Variants in THADA observed in about 807,000 individuals in gnomAD.
THADA encodes THADA armadillo repeat containing.
Under a neutral mutation model 219.8 loss-of-function variants are expected in THADA, and 213 were observed. The observed-to-expected ratio is 0.97, with a 90% CI of 0.87 to 1.09. THADA has a LOEUF of 1.09. Ranked by LOEUF, THADA falls within the 50% of genes least tolerant of loss-of-function variation. THADA has a pLI of 0.00. For synonymous variants in THADA, 1,018 were observed against 828.9 expected (o/e 1.23, Z -3.92); for missense variants, 2,956 against 2,311.3 (o/e 1.28, Z -5.72).
At chr2:43,410,249 G>T (rs1188110901) in intron 28 of THADA, among the ~76,000 whole-genome samples, 1 of 152,160 alleles carries the variant, frequency 6.6e-6, no homozygotes, top group East Asian at 1.9e-4. Context: ...CATACCAAGT[G>T]TTGGCTAGGA....
At chr2:43,520,713 T>TATATACACAC (rs1218079783) in intron 22 of THADA, among the ~76,000 whole-genome samples, 3 of 125,050 alleles carry the variant, frequency 2.4e-5, no homozygotes, top group African/African-American at 8.9e-5. Flanking sequence ...TATATATATA[T>TATATACACAC]ACACACACAC....
Position 43,572,864 on chromosome 2 carries a change from G to C in THADA, c.1858C>G (p.Leu620Val). ...LQSATDTWENLVSDARIKQGL... is the reference protein window; with the variant it reads ...LQSATDTWENVVSDARIKQGL... The stretch of plus-strand genomic sequence containing the variant: ...TGCTTTATTCTTGCATCAGACACGA[G>C]GTTCTCCCAGGTATCAGTTGCAGAC... Residue 620 changes from leucine to valine, a missense_variant, in exon 12 of 38, where the codon CTC becomes GTC. Coordinates refer to ENST00000405975, the MANE Select transcript of THADA (RefSeq NM_022065.5). 6.2e-7 allele frequency: 1 copy of C among 1,613,866 alleles called. No individual in the cohort carries two copies. Among genetic ancestry groups the C allele is most frequent in the African/African-American group, 1.3e-5 (1 of 75,024 alleles).
intron 29 of THADA, among the ~76,000 whole-genome samples, chr2:43,348,672 G>A (rs1667916016): frequency 6.6e-6 from 1 of 152,136 alleles, no homozygotes; most frequent in South Asian, 2.1e-4. Flanking sequence ...TTTAGACATG[G>A]AGTTAAGGCG....
chr2:43,506,930 C>T (rs1196687323), intron 23 of THADA, among the ~76,000 whole-genome samples: 2 of 152,086 alleles, frequency 1.3e-5, no homozygotes, highest in Non-Finnish European at 2.9e-5. Context: ...AGAAATTTCT[C>T]ATAGTTTATT....
intron 17 of THADA, 97 bp from the exon 18 acceptor site, chr2:43,552,436 A>G (rs1447811959): frequency 1.5e-6 from 2 of 1,294,464 alleles, no homozygotes; most frequent in African/African-American, 3.0e-5. Context: ...GGCCAACTCA[A>G]ATGAACTTTA....
intron 29 of THADA, among the ~76,000 whole-genome samples, chr2:43,354,943 C>T (rs1341576667): frequency 1.3e-5 from 2 of 152,112 alleles, no homozygotes; most frequent in African/African-American, 4.8e-5. Context: ...TTCCTTGGCA[C>T]TTCTCCTTGC....
At chr2:43,296,707 C>T (rs1302853549) in intron 31 of THADA, among the ~76,000 whole-genome samples, 26 of 152,220 alleles carry the variant, frequency 1.7e-4, no homozygotes, top group Admixed American at 1.7e-3. Context: ...ACAGTACTAT[C>T]ATCTCCAGGT....
intron 26 of THADA, among the ~76,000 whole-genome samples, chr2:43,441,316 CTA>C (rs1293407864): frequency 6.6e-6 from 1 of 152,172 alleles, no homozygotes; most frequent in Admixed American, 6.5e-5. Flanking sequence ...TTCTAATTTA[CTA>C]CAAACACAAA....
chr2:43,353,284 C>T (rs1166783499), intron 29 of THADA, among the ~76,000 whole-genome samples: 5 of 152,176 alleles, frequency 3.3e-5, no homozygotes, highest in Admixed American at 6.5e-5. Context: ...CATCAATCTG[C>T]GTGCCCACTC....
chr2:43,314,952 T>G (rs1172271320), intron 31 of THADA, among the ~76,000 whole-genome samples: 1 of 152,186 alleles, frequency 6.6e-6, no homozygotes, highest in Non-Finnish European at 1.5e-5. Context: ...ATAAAACACA[T>G]CATTATCTTA....
At chr2:43,272,480 G>A (rs898671955) in intron 36 of THADA, among the ~76,000 whole-genome samples, 5 of 152,116 alleles carry the variant, frequency 3.3e-5, no homozygotes, top group African/African-American at 1.2e-4. Context: ...AGTATTTGTT[G>A]AATGAATGAA....
At chr2:43,512,114 C>G (rs189208950) in intron 22 of THADA, among the ~76,000 whole-genome samples, 1 of 152,326 alleles carries the variant, frequency 6.6e-6, no homozygotes, top group East Asian at 1.9e-4. Context: ...TCTACAAGGT[C>G]AAGGCTGGCA....
At chr2:43,286,827 C>T in intron 35 of THADA, 81 bp downstream of exon 35, 2 of 1,521,986 alleles carry the variant, frequency 1.3e-6, no homozygotes, top group Non-Finnish European at 1.8e-6. Flanking sequence ...CCATCTTTCA[C>T]CTTCCCTTTT....
intron 22 of THADA, among the ~76,000 whole-genome samples, chr2:43,513,995 G>T (rs542736794): frequency 6.6e-6 from 1 of 151,342 alleles, no homozygotes; most frequent in South Asian, 2.1e-4. Flanking sequence ...AGGAATTCAG[G>T]GCTACAGTGA....
chr2:43,263,212 T>C (rs1671157913), intron 36 of THADA, among the ~76,000 whole-genome samples: 1 of 152,142 alleles, frequency 6.6e-6, no homozygotes, highest in African/African-American at 2.4e-5. Flanking sequence ...ACTTCCTCCT[T>C]GCTAATTAAT....
chr2:43,385,874 TAAA>T (rs897054015), intron 29 of THADA, among the ~76,000 whole-genome samples: 1 of 144,492 alleles, frequency 6.9e-6, no homozygotes, highest in African/African-American at 2.5e-5. Context: ...CATTTGATAT[TAAA>T]AAAAAAAAAC....
chr2:43,502,745 T>C (rs1689164437), intron 24 of THADA, among the ~76,000 whole-genome samples: 1 of 151,820 alleles, frequency 6.6e-6, no homozygotes, highest in Non-Finnish European at 1.5e-5. Flanking sequence ...AATATCTACA[T>C]AATAATAGAG....
chr2:43,396,718 C>T (rs1454944893), intron 29 of THADA, among the ~76,000 whole-genome samples: 1 of 151,508 alleles, frequency 6.6e-6, no homozygotes, highest in African/African-American at 2.4e-5. Context: ...GGCTGAGGCA[C>T]GAGAATGGCT....
intron 26 of THADA, among the ~76,000 whole-genome samples, chr2:43,469,734 T>G (rs1198898825): frequency 6.6e-6 from 1 of 152,210 alleles, no homozygotes; most frequent in African/African-American, 2.4e-5. Flanking sequence ...CTTTTTATTA[T>G]GTGGAAAATC....
Sources: gnomAD v4.1 joint callset for allele counts (sites outside exome capture counted in the v4.1 genomes callset) on GRCh38, gnomAD v4.1.1 for gene constraint, MANE v1.5 for transcripts, NCBI Gene and HGNC (gene_info 2026-07-23, HGNC 2026-07-21) for gene names.